The following HPSE2 variants were observed in gnomAD, a reference collection of about 807,000 sequenced individuals.
HPSE2 encodes the protein inactive heparanase-2.
Under a neutral mutation model 60.5 loss-of-function variants are expected in HPSE2, and 38 were observed. The ratio of observed to expected loss-of-function variants is 0.63; its 90% CI spans 0.48 to 0.82. The LOEUF is 0.82. HPSE2 is among the 40% of genes least tolerant of loss of function. The pLI, the probability that HPSE2 is intolerant of heterozygous loss-of-function variation, is 0.00. For missense variants in HPSE2, 713 were observed against 740.4 expected, an observed-to-expected ratio of 0.96 and a Z score of 0.43; for synonymous variants, 295 against 293.2, an observed-to-expected ratio of 1.01 and a Z score of -0.06.
At chr10:99,310,381 A>C in the HPSE2 span, among the ~76,000 whole-genome samples, 2 of 152,168 alleles carry the variant, frequency 1.3e-5, no homozygotes, top group East Asian at 3.8e-4. Context: ...GTAACCTTGT[A>C]ATTGATTAGT....
intron 3 of HPSE2, among the ~76,000 whole-genome samples, chr10:98,827,331 G>A (rs142042861): frequency 0.014 from 2,104 of 151,166 alleles, 39 homozygotes; most frequent in African/African-American, 0.047. Context: ...TCAGCCTCCC[G>A]AGTAGCTGGG....
intron 9 of HPSE2, among the ~76,000 whole-genome samples, chr10:98,522,675 A>C (rs1014797633): frequency 6.6e-6 from 1 of 152,214 alleles, no homozygotes; most frequent in South Asian, 2.1e-4. Context: ...ATGGGCTTTT[A>C]CCATATTGGC....
chr10:98,799,796 A>C (rs970713603), intron 3 of HPSE2, among the ~76,000 whole-genome samples: 1 of 152,164 alleles, frequency 6.6e-6, no homozygotes, highest in African/African-American at 2.4e-5. Context: ...CTAAGAGGAA[A>C]ATATACAGCT....
intron 3 of HPSE2, among the ~76,000 whole-genome samples, chr10:98,898,274 C>CATGTGA (rs1446627354): frequency 2.0e-5 from 3 of 152,148 alleles, no homozygotes; most frequent in African/African-American, 7.2e-5. Flanking sequence ...AGAAACCCTA[C>CATGTGA]ATGTGAATGT....
At chr10:99,116,794 G>A (rs1486931431) in intron 3 of HPSE2, among the ~76,000 whole-genome samples, 1 of 152,170 alleles carries the variant, frequency 6.6e-6, no homozygotes, top group East Asian at 1.9e-4. Context: ...GAAGTGGCAG[G>A]GAGAAGGGAA....
At chr10:99,195,495 T>G (rs534417901) in intron 2 of HPSE2, among the ~76,000 whole-genome samples, 1 of 151,776 alleles carries the variant, frequency 6.6e-6, no homozygotes, top group Non-Finnish European at 1.5e-5. Context: ...CTATTAGAAC[T>G]GATAAGTTGA....
At chr10:98,942,806 C>A (rs553964190) in intron 3 of HPSE2, among the ~76,000 whole-genome samples, 57 of 151,952 alleles carry the variant, frequency 3.8e-4, no homozygotes, top group Non-Finnish European at 6.9e-4. Context: ...GCACTATTCA[C>A]AATAGCAAAG....
rs538985818 is a variant in HPSE2 at position 99,153,973 on chromosome 10, G to C, written c.449-9574C>G. ...GAAGAATGCAGAAGCCTCAGGAGCT[G>C]ATGCGATCAAATGGAAGAAAGGGTA... On this transcript the variant is annotated intron_variant, in intron 2 of 11. Transcript: ENST00000370552. 3.4e-3 allele frequency among the ~76,000 whole-genome samples: 511 copies of C among 152,244 alleles called. 3 individuals are homozygous for C. Among genetic ancestry groups the C allele is most frequent in the African/African-American group, 0.012 (490 of 41,542 alleles).
At chr10:98,635,405 T>G (rs1946470617) in intron 7 of HPSE2, among the ~76,000 whole-genome samples, 1 of 152,162 alleles carries the variant, frequency 6.6e-6, no homozygotes, top group African/African-American at 2.4e-5. Context: ...AAAATAAGTA[T>G]GCCAAAGAGA....
At chr10:98,871,206 A>G (rs1952723409) in intron 3 of HPSE2, among the ~76,000 whole-genome samples, 1 of 152,174 alleles carries the variant, frequency 6.6e-6, no homozygotes, top group African/African-American at 2.4e-5. Context: ...TAGATGCTCA[A>G]TAAATGGATT....
At position 98,626,022 on chromosome 10, in the gene HPSE2, C is replaced by T. The variant is rs117216589; in HGVS notation, c.1099-5314G>A. Among the ~76,000 whole-genome samples the T allele has an allele frequency of 2.7e-3, 407 of 150,460 alleles. 1 individual carries two copies. The highest frequency in any genetic ancestry group is 4.3e-3 in the Non-Finnish European group (294 of 67,906). Reference sequence around the variant, plus strand: ...TTGGGAGCCTGAGGCGGAAGAACTGCGTGAACCTGGGAGGAGGAGCTTGCA... The same window carrying T: ...TTGGGAGCCTGAGGCGGAAGAACTGTGTGAACCTGGGAGGAGGAGCTTGCA... On this transcript the variant is annotated intron_variant, in intron 7 of 11. Coordinates refer to ENST00000370552, the MANE Select transcript of HPSE2 (RefSeq NM_021828.5).
chr10:98,744,619 C>G (rs780767017), intron 3 of HPSE2, among the ~76,000 whole-genome samples: 44 of 151,932 alleles, frequency 2.9e-4, no homozygotes, highest in Non-Finnish European at 4.1e-4. Flanking sequence ...GCAACCAAAT[C>G]TAGTCCATCA....
intron 9 of HPSE2, among the ~76,000 whole-genome samples, chr10:98,551,836 C>T (rs529172751): frequency 7.2e-5 from 11 of 152,238 alleles, no homozygotes; most frequent in African/African-American, 2.4e-4. Context: ...CCAAACTTGC[C>T]TGAATATAAA....
At chr10:98,877,236 C>T (rs997375119) in intron 3 of HPSE2, among the ~76,000 whole-genome samples, 1 of 151,838 alleles carries the variant, frequency 6.6e-6, no homozygotes, top group African/African-American at 2.4e-5. Flanking sequence ...TACAGTAGCA[C>T]ATATTAGCTT....
chr10:99,168,210 T>C (rs1045446683), intron 2 of HPSE2, among the ~76,000 whole-genome samples: 3 of 152,122 alleles, frequency 2.0e-5, no homozygotes, highest in African/African-American at 7.2e-5. Flanking sequence ...CTATCCATGA[T>C]ATGACATATC....
At chr10:98,866,046 G>A (rs901707641) in intron 3 of HPSE2, among the ~76,000 whole-genome samples, 9 of 152,022 alleles carry the variant, frequency 5.9e-5, no homozygotes, top group Non-Finnish European at 1.0e-4. Flanking sequence ...AAAGAGTCAA[G>A]AAAACATGAC....
intron 9 of HPSE2, among the ~76,000 whole-genome samples, chr10:98,610,337 G>A (rs1225662126): frequency 6.6e-6 from 1 of 152,180 alleles, no homozygotes; most frequent in Non-Finnish European, 1.5e-5. Flanking sequence ...CTTGTGATAG[G>A]CTCATCAACT....
chr10:98,461,695 G>T (rs1374684068), intron 11 of HPSE2: 43 of 1,144,902 alleles, frequency 3.8e-5, no homozygotes, highest in Middle Eastern at 3.9e-4. Context: ...TTTATATCAG[G>T]TCTCTGCTAG....
intron 9 of HPSE2, among the ~76,000 whole-genome samples, chr10:98,578,925 T>G (rs898603738): frequency 1.4e-4 from 21 of 152,224 alleles, no homozygotes; most frequent in African/African-American, 4.6e-4. Flanking sequence ...CCCTGGCTTT[T>G]AATTCCTTGT....
Sources: gnomAD v4.1 joint callset for allele counts (sites outside exome capture counted in the v4.1 genomes callset) on GRCh38, gnomAD v4.1.1 for gene constraint, MANE v1.5 for transcripts, NCBI Gene and HGNC (gene_info 2026-07-23, HGNC 2026-07-21) for gene names.